ACYP2: variants seen among roughly 807,000 people sequenced by gnomAD.
ACYP2 encodes acylphosphatase-2.
In ACYP2, 12 loss-of-function variants were observed where a neutral mutation model predicts 11.2. That is an observed-to-expected ratio of 1.08 (90% CI 0.69 to 1.74). The LOEUF (loss-of-function observed/expected upper bound fraction) is 1.74, where lower values mean the gene tolerates loss of function less well. ACYP2 is among the 40% of genes most tolerant of loss of function. The probability of loss-of-function intolerance (pLI) is 0.00; values close to 1 mark genes in which losing one functional copy is unlikely to be tolerated. For missense variants in ACYP2, 134 were observed against 101.9 expected, an observed-to-expected ratio of 1.31 and a Z score of -1.35; for synonymous variants, 43 against 32.2, an observed-to-expected ratio of 1.33 and a Z score of -1.13.
At chr2:54,163,942 A>T (rs550333802) in intron 6 of ACYP2, among the ~76,000 whole-genome samples, 28 of 152,332 alleles carry the variant, frequency 1.8e-4, no homozygotes, top group Admixed American at 1.2e-3. Context: ...AAATTTTTTT[A>T]AAAAGGATAA....
chr2:54,066,729 G>A (rs1357657643), intron 4 of ACYP2, among the ~76,000 whole-genome samples: 2 of 152,282 alleles, frequency 1.3e-5, no homozygotes, highest in East Asian at 3.9e-4. Flanking sequence ...AATAAGTAGG[G>A]TGAGGAGTTA....
chr2:54,137,026 A>T (rs1233001835), intron 5 of ACYP2, among the ~76,000 whole-genome samples: 1 of 152,176 alleles, frequency 6.6e-6, no homozygotes, highest in Admixed American at 6.5e-5. Context: ...AAATTTTAGT[A>T]TGATGTAGTT....
chr2:54,098,592 A>C (rs1203977763), intron 4 of ACYP2, among the ~76,000 whole-genome samples: 1 of 152,138 alleles, frequency 6.6e-6, no homozygotes, highest in East Asian at 1.9e-4. Context: ...GATATCTCCA[A>C]ATATGTTGTT....
At chr2:54,001,359 C>A (rs941436242) in intron 2 of ACYP2, among the ~76,000 whole-genome samples, 1 of 152,010 alleles carries the variant, frequency 6.6e-6, no homozygotes, top group Non-Finnish European at 1.5e-5. Context: ...CATAGTGAGA[C>A]CTCGTCTCTA....
At chr2:53,973,905 A>ATTTTTTTTTTTT (rs1558445446) in intron 2 of ACYP2, 2 of 78,650 alleles carry the variant, frequency 2.5e-5, no homozygotes, top group Non-Finnish European at 4.8e-5. Flanking sequence ...GTGTGTGTAT[A>ATTTTTTTTTTTT]TATTTTTTTT....
At chr2:54,019,046 A>AT (rs763470516) in intron 2 of ACYP2, among the ~76,000 whole-genome samples, 159 of 147,758 alleles carry the variant, frequency 1.1e-3, no homozygotes, top group Non-Finnish European at 2.0e-3. Context: ...TGCTTGGCCT[A>AT]TTTTTTTATT....
intron 2 of ACYP2, among the ~76,000 whole-genome samples, chr2:54,004,502 C>T (rs1040485963): frequency 9.0e-5 from 13 of 144,684 alleles, no homozygotes; most frequent in Non-Finnish European, 1.2e-4. Context: ...GTTCTGTCTT[C>T]CGGGTTCACA....
chr2:54,111,895 C>T (rs1679480331), intron 4 of ACYP2, among the ~76,000 whole-genome samples: 1 of 152,072 alleles, frequency 6.6e-6, no homozygotes, highest in Non-Finnish European at 1.5e-5. Flanking sequence ...TTCAAATGAC[C>T]CCATGTGGTG....
chr2:53,973,374 C>A (rs1322154503), intron 1 of ACYP2, among the ~76,000 whole-genome samples: 1 of 152,114 alleles, frequency 6.6e-6, no homozygotes, highest in Non-Finnish European at 1.5e-5. Flanking sequence ...GCCATCATAT[C>A]CCCAGTGACC....
At chr2:54,148,468 A>G (rs1682000604) in intron 6 of ACYP2, among the ~76,000 whole-genome samples, 1 of 152,204 alleles carries the variant, frequency 6.6e-6, no homozygotes, top group South Asian at 2.1e-4. Flanking sequence ...TGTAGTAATA[A>G]TCAATAAATA....
intron 6 of ACYP2, among the ~76,000 whole-genome samples, chr2:54,225,521 C>T (rs550888425): frequency 8.6e-5 from 13 of 152,006 alleles, no homozygotes; most frequent in Non-Finnish European, 1.6e-4. Flanking sequence ...TTTTACTATG[C>T]TCATTTTAAG....
chr2:54,157,930 C>T (rs1004359020), intron 6 of ACYP2, among the ~76,000 whole-genome samples: 5 of 152,180 alleles, frequency 3.3e-5, no homozygotes. Flanking sequence ...GGATCATCTG[C>T]CTGGTGCAGG....
chr2:54,139,640 CTAAG>C (rs1354805694), intron 6 of ACYP2, among the ~76,000 whole-genome samples: 1 of 152,184 alleles, frequency 6.6e-6, no homozygotes, highest in Non-Finnish European at 1.5e-5. Flanking sequence ...GAGGTAGGTA[CTAAG>C]TAACACTCAA....
intron 4 of ACYP2, among the ~76,000 whole-genome samples, chr2:54,108,266 G>C (rs1365830626): frequency 6.6e-6 from 1 of 152,206 alleles, no homozygotes; most frequent in Non-Finnish European, 1.5e-5. Flanking sequence ...TCCAGGGTTT[G>C]TAGCTTTAAA....
chr2:54,295,214 G>C (rs1689477812), intron 6 of ACYP2, among the ~76,000 whole-genome samples: 1 of 152,154 alleles, frequency 6.6e-6, no homozygotes. Context: ...ATAATATTGG[G>C]GAATGGCACC....
chr2:54,028,866 C>G (rs965689559), intron 2 of ACYP2, among the ~76,000 whole-genome samples: 2 of 152,162 alleles, frequency 1.3e-5, no homozygotes, highest in Non-Finnish European at 2.9e-5. Context: ...CACCATTTCC[C>G]CTATTAATCT....
At chr2:54,071,310 T>C (rs998914039) in intron 4 of ACYP2, among the ~76,000 whole-genome samples, 5 of 152,044 alleles carry the variant, frequency 3.3e-5, no homozygotes, top group Admixed American at 2.6e-4. Flanking sequence ...GAAAAAGAAA[T>C]GAAACATCCA....
chr2:54,269,573 G>A (rs995932309), intron 6 of ACYP2, among the ~76,000 whole-genome samples: 1 of 152,162 alleles, frequency 6.6e-6, no homozygotes, highest in Non-Finnish European at 1.5e-5. Flanking sequence ...CAGTGCCTTT[G>A]GGAAATGTGA....
intron 2 of ACYP2, among the ~76,000 whole-genome samples, chr2:54,022,564 G>C (rs1489785251): frequency 6.6e-6 from 1 of 151,892 alleles, no homozygotes; most frequent in Non-Finnish European, 1.5e-5. Context: ...TTTTTAAGTA[G>C]ATGTGGGGTC....
Sources: gnomAD v4.1 joint callset for allele counts (sites outside exome capture counted in the v4.1 genomes callset) on GRCh38, gnomAD v4.1.1 for gene constraint, MANE v1.5 for transcripts, NCBI Gene and HGNC (gene_info 2026-07-23, HGNC 2026-07-21) for gene names.